Variants in SLC8A1 observed in about 807,000 individuals in gnomAD.
SLC8A1 encodes the protein sodium/calcium exchanger 1.
Under a neutral mutation model 68.3 loss-of-function variants are expected in SLC8A1, and 18 were observed. That is an observed-to-expected ratio of 0.26 (90% confidence interval 0.18 to 0.39). SLC8A1 has a LOEUF of 0.39. SLC8A1 is among the 10% of genes least tolerant of loss of function. The probability of loss-of-function intolerance (pLI) is 1.00; values close to 1 mark genes in which losing one functional copy is unlikely to be tolerated. For missense variants in SLC8A1, 985 were observed against 1,156.7 expected (o/e 0.85, Z 2.15); for synonymous variants, 475 against 415.5 (o/e 1.14, Z -1.74).
At chr2:40,429,246 T>A in exon 2 of SLC8A1, 1 of 1,613,880 alleles carries the variant, frequency 6.2e-7, no homozygotes, top group Non-Finnish European at 8.5e-7. Flanking sequence ...CTAATTCTAT[T>A]AATTGCTCTA....
chr2:40,417,560 G>A (rs1415728810), intron 2 of SLC8A1, among the ~76,000 whole-genome samples: 2 of 152,128 alleles, frequency 1.3e-5, no homozygotes, highest in Admixed American at 6.6e-5. Context: ...CCAGGCTGGA[G>A]TGCAGTGGTG....
At chr2:40,374,825 G>C (rs1001413943) in intron 2 of SLC8A1, among the ~76,000 whole-genome samples, 1 of 152,024 alleles carries the variant, frequency 6.6e-6, no homozygotes, top group Non-Finnish European at 1.5e-5. Flanking sequence ...AATGACCAAA[G>C]ATGACATATG....
intron 2 of SLC8A1, among the ~76,000 whole-genome samples, chr2:40,252,830 A>AT (rs1450289482): frequency 2.9e-5 from 4 of 137,304 alleles, no homozygotes; most frequent in African/African-American, 8.8e-5. Flanking sequence ...ATATGTATAT[A>AT]CATGTGTATA....
At chr2:40,431,221 T>C (rs1273860199) in intron 1 of SLC8A1, among the ~76,000 whole-genome samples, 1 of 151,814 alleles carries the variant, frequency 6.6e-6, no homozygotes, top group African/African-American at 2.4e-5. Flanking sequence ...GGCTGTGGAA[T>C]CAGCGTCACC....
chr2:40,135,907 A>G (rs1030026107), intron 7 of SLC8A1, among the ~76,000 whole-genome samples: 2 of 152,220 alleles, frequency 1.3e-5, no homozygotes, highest in Admixed American at 1.3e-4. Flanking sequence ...TGTTTTAGAT[A>G]CAGTAATTCT....
At chr2:40,217,855 G>A (rs2057730688) in intron 2 of SLC8A1, among the ~76,000 whole-genome samples, 1 of 152,116 alleles carries the variant, frequency 6.6e-6, no homozygotes, top group Non-Finnish European at 1.5e-5. Context: ...ACAGAACTAG[G>A]GTTAGAAAGT....
intron 2 of SLC8A1, among the ~76,000 whole-genome samples, chr2:40,279,600 G>A (rs764036294): frequency 5.9e-5 from 9 of 152,254 alleles, no homozygotes; most frequent in Non-Finnish European, 1.2e-4. Context: ...ACATAATTTC[G>A]GAGATGCTAT....
chr2:40,148,452 T>G (rs1298872364), intron 6 of SLC8A1, among the ~76,000 whole-genome samples: 1 of 152,208 alleles, frequency 6.6e-6, no homozygotes, highest in African/African-American at 2.4e-5. Flanking sequence ...ACATAGGGTT[T>G]GAAAGTTGAC....
chr2:40,220,235 A>G (rs1574253086), intron 2 of SLC8A1: 1 of 152,198 alleles, frequency 6.6e-6, no homozygotes, highest in Middle Eastern at 3.4e-3. Flanking sequence ...GGAGGAAAAC[A>G]GTGGAGAGAA....
chr2:40,500,767 A>G (rs149184267), intron 1 of SLC8A1, among the ~76,000 whole-genome samples: 2 of 136,834 alleles, frequency 1.5e-5, no homozygotes, highest in East Asian at 4.4e-4. Flanking sequence ...TAGACACTGA[A>G]CCTATAAGGT....
intron 2 of SLC8A1, among the ~76,000 whole-genome samples, chr2:40,248,619 A>G (rs2062238464): frequency 6.6e-6 from 1 of 152,176 alleles, no homozygotes; most frequent in East Asian, 1.9e-4. Flanking sequence ...ATGAACTAAG[A>G]TATCTATTGA....
At chr2:40,421,579 C>T (rs919519346) in intron 2 of SLC8A1, among the ~76,000 whole-genome samples, 1 of 152,132 alleles carries the variant, frequency 6.6e-6, no homozygotes, top group Non-Finnish European at 1.5e-5. Flanking sequence ...TACTGCAACA[C>T]CTGGTTGCCC....
intron 2 of SLC8A1, among the ~76,000 whole-genome samples, chr2:40,403,865 A>G (rs1429822270): frequency 2.0e-5 from 3 of 152,150 alleles, no homozygotes; most frequent in Non-Finnish European, 4.4e-5. Context: ...GCAAAAATAA[A>G]CTCCTGACAG....
At chr2:40,468,711 C>A (rs769891701) in intron 1 of SLC8A1, among the ~76,000 whole-genome samples, 34 of 152,068 alleles carry the variant, frequency 2.2e-4, no homozygotes, top group Non-Finnish European at 3.4e-4. Flanking sequence ...TTTAGCTTCA[C>A]CAGTTGTCAA....
intron 2 of SLC8A1, among the ~76,000 whole-genome samples, chr2:40,407,152 T>C (rs763572113): frequency 6.6e-6 from 1 of 152,136 alleles, no homozygotes; most frequent in Non-Finnish European, 1.5e-5. Context: ...CTGCAACCTC[T>C]GCCTCCTAGG....
intron 1 of SLC8A1, among the ~76,000 whole-genome samples, chr2:40,504,070 G>A (rs1435302340): frequency 6.6e-6 from 1 of 152,058 alleles, no homozygotes; most frequent in East Asian, 1.9e-4. Flanking sequence ...CAGAGCTAGA[G>A]TAAATAAAAC....
intron 2 of SLC8A1, among the ~76,000 whole-genome samples, chr2:40,346,514 G>C (rs974493742): frequency 2.0e-5 from 3 of 152,262 alleles, no homozygotes; most frequent in Admixed American, 6.5e-5. Flanking sequence ...CTAGGACCAT[G>C]CCGCCGTCAG....
chr2:40,438,667 G>A (rs896187251), intron 1 of SLC8A1, among the ~76,000 whole-genome samples: 2 of 152,142 alleles, frequency 1.3e-5, no homozygotes, highest in Non-Finnish European at 2.9e-5. Flanking sequence ...CATTCTAAAA[G>A]GAAGAAATGA....
intron 2 of SLC8A1, among the ~76,000 whole-genome samples, chr2:40,333,651 CAA>C (rs777463400): frequency 4.7e-4 from 72 of 151,948 alleles, no homozygotes; most frequent in Non-Finnish European, 9.0e-4. Context: ...ATAGTATAAA[CAA>C]GAATAAATAA....
Sources: allele counts gnomAD v4.1 joint callset (sites outside exome capture counted in the v4.1 genomes callset), GRCh38; gene constraint gnomAD v4.1.1; transcripts MANE v1.5; gene names NCBI Gene and HGNC (gene_info 2026-07-23, HGNC 2026-07-21).